The following CPNE8 variants were observed in gnomAD, a reference collection of about 807,000 sequenced individuals.
The protein encoded by CPNE8 is copine-8.
In CPNE8, 45 loss-of-function variants were observed where a neutral mutation model predicts 81.5. The ratio of observed to expected loss-of-function variants is 0.55; its 90% CI spans 0.44 to 0.71. The LOEUF (loss-of-function observed/expected upper bound fraction) is 0.71. CPNE8 is among the 30% of genes least tolerant of loss of function. The probability of loss-of-function intolerance (pLI) is 0.00; values close to 1 mark genes in which losing one functional copy is unlikely to be tolerated. For missense variants in CPNE8, 594 were observed against 672.1 expected, an observed-to-expected ratio of 0.88 and a Z score of 1.28; for synonymous variants, 252 against 226.3, an observed-to-expected ratio of 1.11 and a Z score of -1.02.
chr12:38,884,290 A>G (rs1051110451), intron 1 of CPNE8, among the ~76,000 whole-genome samples: 2 of 152,194 alleles, frequency 1.3e-5, no homozygotes, highest in Non-Finnish European at 2.9e-5. Context: ...TCATGATCAT[A>G]TACAATATGT....
Position 38,701,875 on chromosome 12 carries a change from A to C in CPNE8, c.961+1000T>G, listed in dbSNP as rs193247547. Among the ~76,000 whole-genome samples, 3 of 152,330 alleles carry C rather than the reference A, an allele frequency of 2.0e-5. No homozygotes were observed. In the East Asian group the frequency reaches 5.8e-4, roughly 29 times the overall value. On this transcript the variant is annotated intron_variant, in intron 14 of 19. Coordinates refer to ENST00000331366, the MANE Select transcript of CPNE8 (RefSeq NM_153634.3). ...TAATTGGAAGCCATAATGTTGCAGA[A>C]AGAACGTGACATGCAGTGAAAGCTG...
At chr12:38,773,241 C>T (rs369975960) in intron 7 of CPNE8, among the ~76,000 whole-genome samples, 1 of 152,068 alleles carries the variant, frequency 6.6e-6, no homozygotes, top group Non-Finnish European at 1.5e-5. Flanking sequence ...CTACTATATA[C>T]AGTATAGTAC....
chr12:38,819,582 A>C (rs957995833), intron 6 of CPNE8, among the ~76,000 whole-genome samples: 3 of 151,972 alleles, frequency 2.0e-5, no homozygotes, highest in African/African-American at 7.2e-5. Flanking sequence ...CCTGGCTAAC[A>C]TGGTGAAACC....
At chr12:38,819,635 C>T (rs922539910) in intron 6 of CPNE8, among the ~76,000 whole-genome samples, 3 of 151,716 alleles carry the variant, frequency 2.0e-5, no homozygotes, top group Non-Finnish European at 2.9e-5. Context: ...GGCGTGATGG[C>T]GGGCGCCTGT....
intron 3 of CPNE8, among the ~76,000 whole-genome samples, chr12:38,871,993 G>A (rs887537978): frequency 6.6e-6 from 1 of 152,064 alleles, no homozygotes; most frequent in African/African-American, 2.4e-5. Flanking sequence ...AAATTAGCCG[G>A]GCATGGTGGC....
chr12:38,835,369 T>G (rs1363246514), intron 5 of CPNE8, among the ~76,000 whole-genome samples: 1 of 152,200 alleles, frequency 6.6e-6, no homozygotes, highest in African/African-American at 2.4e-5. Flanking sequence ...GCTTCTCCAG[T>G]CACTCTCTCC....
At chr12:38,753,994 AC>A (rs1941406979) in intron 10 of CPNE8, among the ~76,000 whole-genome samples, 1 of 152,208 alleles carries the variant, frequency 6.6e-6, no homozygotes, top group African/African-American at 2.4e-5. Context: ...CAAGGCAGAA[AC>A]AAATAACTTC....
At chr12:38,889,130 A>C (rs1944275408) in intron 1 of CPNE8, among the ~76,000 whole-genome samples, 1 of 152,246 alleles carries the variant, frequency 6.6e-6, no homozygotes, top group Non-Finnish European at 1.5e-5. Context: ...ATTAAGTGCC[A>C]GATAAAGGAT....
chr12:38,787,250 A>G (rs1329734354), intron 6 of CPNE8, among the ~76,000 whole-genome samples: 1 of 152,160 alleles, frequency 6.6e-6, no homozygotes, highest in Non-Finnish European at 1.5e-5. Context: ...AAATAATATT[A>G]AGCATTTTCT....
At chr12:38,717,427 GTGTATATATATATATATATATA>G (rs1281821913) in intron 13 of CPNE8, among the ~76,000 whole-genome samples, 1 of 69,728 alleles carries the variant, frequency 1.4e-5, no homozygotes, top group Non-Finnish European at 2.6e-5. Flanking sequence ...AGAAAGTGTG[GTGTATATATATATATATATATA>G]TATATATATA....
At chr12:38,722,118 A>G (rs1324842972) in intron 13 of CPNE8, among the ~76,000 whole-genome samples, 1 of 152,212 alleles carries the variant, frequency 6.6e-6, no homozygotes, top group East Asian at 1.9e-4. Flanking sequence ...GGCCAGAAAA[A>G]GCGGCACCCC....
intron 3 of CPNE8, among the ~76,000 whole-genome samples, chr12:38,870,277 C>T (rs1009347259): frequency 1.3e-5 from 2 of 152,208 alleles, no homozygotes; most frequent in Non-Finnish European, 2.9e-5. Flanking sequence ...ACCCAGCAAT[C>T]CCATTACTGG....
intron 4 of CPNE8, among the ~76,000 whole-genome samples, chr12:38,845,918 T>C (rs1200170482): frequency 6.6e-6 from 1 of 152,214 alleles, no homozygotes; most frequent in Non-Finnish European, 1.5e-5. Context: ...ATTGAATTTC[T>C]GAAACTAACA....
At chr12:38,717,021 A>G (rs904513916) in intron 13 of CPNE8, among the ~76,000 whole-genome samples, 4 of 152,162 alleles carry the variant, frequency 2.6e-5, no homozygotes, top group Admixed American at 2.6e-4. Flanking sequence ...CAAACAGCCA[A>G]CAAACATATG....
At chr12:38,717,581 G>A (rs906016238) in intron 13 of CPNE8, among the ~76,000 whole-genome samples, 17 of 151,300 alleles carry the variant, frequency 1.1e-4, no homozygotes, top group Non-Finnish European at 7.4e-5. Context: ...CAAATATCTT[G>A]TTCTCACTTA....
At chr12:38,795,495 T>C (rs1474044277) in intron 6 of CPNE8, among the ~76,000 whole-genome samples, 2 of 152,150 alleles carry the variant, frequency 1.3e-5, no homozygotes, top group Non-Finnish European at 2.9e-5. Flanking sequence ...CACAGATGAA[T>C]GAATAAGCAA....
intron 2 of CPNE8, among the ~76,000 whole-genome samples, chr12:38,873,940 T>C (rs1944027152): frequency 6.6e-6 from 1 of 152,070 alleles, no homozygotes; most frequent in African/African-American, 2.4e-5. Flanking sequence ...TATACCACTT[T>C]TATTTTATTT....
intron 3 of CPNE8, among the ~76,000 whole-genome samples, chr12:38,861,853 A>G (rs1242700924): frequency 6.6e-6 from 1 of 152,152 alleles, no homozygotes; most frequent in Non-Finnish European, 1.5e-5. Context: ...AAATATTGAC[A>G]TATAGAGTAG....
chr12:38,669,228 A>T (rs1009957456), intron 19 of CPNE8, among the ~76,000 whole-genome samples: 20 of 152,146 alleles, frequency 1.3e-4, no homozygotes, highest in South Asian at 2.1e-4. Flanking sequence ...TTATCTTTTT[A>T]AAAAAACTAT....
Sources: allele counts gnomAD v4.1 joint callset (sites outside exome capture counted in the v4.1 genomes callset), GRCh38; gene constraint gnomAD v4.1.1; transcripts MANE v1.5; gene names NCBI Gene and HGNC (gene_info 2026-07-23, HGNC 2026-07-21).